Variants in HDAC9 observed in about 807,000 individuals in gnomAD.
The protein encoded by HDAC9 is histone deacetylase 9, also known as MEF-2 interacting transcription repressor (MITR) protein.
A neutral mutation model predicts 139.4 loss-of-function variants in HDAC9; 41 were observed. That is an observed-to-expected ratio of 0.29 (90% CI 0.23 to 0.38). The LOEUF (loss-of-function observed/expected upper bound fraction) is 0.38, where lower values mean the gene tolerates loss of function less well. Ranked by LOEUF, HDAC9 falls within the 10% of genes least tolerant of loss-of-function variation. HDAC9 has a pLI of 1.00. For synonymous variants in HDAC9, 517 were observed against 476.2 expected, an observed-to-expected ratio of 1.09 and a Z score of -1.12; for missense variants, 1,147 against 1,297.0, an observed-to-expected ratio of 0.88 and a Z score of 1.78.
chr7:18,548,319 A>G (rs1028757711), intron 2 of HDAC9, among the ~76,000 whole-genome samples: 14 of 152,088 alleles, frequency 9.2e-5, no homozygotes, highest in African/African-American at 3.1e-4. Flanking sequence ...CCTAACAGAT[A>G]TAATAATAAT....
intron 17 of HDAC9, among the ~76,000 whole-genome samples, chr7:18,796,636 G>T (rs1792826486): frequency 6.6e-6 from 1 of 152,112 alleles, no homozygotes; most frequent in African/African-American, 2.4e-5. Flanking sequence ...CTATTTCTCA[G>T]ATTCTCTTAC....
rs144004738 is a variant in HDAC9 at position 18,687,889 on chromosome 7, A to G, written c.1731+21413A>G. Among the ~76,000 whole-genome samples the G allele has an allele frequency of 1.4e-3, 208 of 151,974 alleles. 2 individuals are homozygous for G. The highest frequency in any genetic ancestry group is 8.7e-3 in the South Asian group (42 of 4,830). On this transcript the variant is annotated intron_variant, in intron 12 of 25. Transcript: ENST00000686413. ...TAAAGATTGTTTTAGTCTTTACCCA[A>G]TAAATTTTCCACAGTATCTGGTATA...
intron 1 of HDAC9, among the ~76,000 whole-genome samples, chr7:18,423,689 C>T (rs1789850635): frequency 6.6e-6 from 1 of 152,184 alleles, no homozygotes; most frequent in Non-Finnish European, 1.5e-5. Context: ...ACATGGCCTC[C>T]TAGCATTTGT....
At chr7:18,676,583 T>TA (rs1781527024) in intron 12 of HDAC9, among the ~76,000 whole-genome samples, 1 of 152,046 alleles carries the variant, frequency 6.6e-6, no homozygotes, top group Non-Finnish European at 1.5e-5. Flanking sequence ...TTAAAAAACT[T>TA]AAACTTTTTG....
chr7:18,351,999 A>T (rs1006505512), intron 1 of HDAC9, among the ~76,000 whole-genome samples: 10 of 152,204 alleles, frequency 6.6e-5, no homozygotes, highest in African/African-American at 2.4e-4. Context: ...ATAGCTGTGG[A>T]GAACAAAAGC....
intron 1 of HDAC9, among the ~76,000 whole-genome samples, chr7:18,337,980 A>G (rs1209108727): frequency 1.3e-5 from 2 of 151,772 alleles, no homozygotes; most frequent in African/African-American, 2.4e-5. Flanking sequence ...AGATAATGAG[A>G]TAATCAATGT....
At chr7:18,671,477 C>G (rs888846588) in intron 12 of HDAC9, among the ~76,000 whole-genome samples, 1 of 151,994 alleles carries the variant, frequency 6.6e-6, no homozygotes, top group East Asian at 1.9e-4. Flanking sequence ...ATAGCTTTTA[C>G]CTAAGTTCCT....
intron 25 of HDAC9, among the ~76,000 whole-genome samples, chr7:18,990,653 G>T (rs1206499546): frequency 6.6e-6 from 1 of 152,236 alleles, no homozygotes; most frequent in Non-Finnish European, 1.5e-5. Flanking sequence ...CAGCCTGGCT[G>T]CCGCCTTGCA....
At chr7:18,255,360 G>A (rs1288741420) in intron 2 of HDAC9, among the ~76,000 whole-genome samples, 4 of 152,280 alleles carry the variant, frequency 2.6e-5, no homozygotes, top group Admixed American at 6.5e-5. Context: ...AACATCATGA[G>A]GAAGGAAGTT....
chr7:18,144,857 C>G (rs1228037696), intron 1 of HDAC9, among the ~76,000 whole-genome samples: 1 of 152,180 alleles, frequency 6.6e-6, no homozygotes, highest in Non-Finnish European at 1.5e-5. Flanking sequence ...TTTCTTCTAA[C>G]CACCTTGAAG....
chr7:18,880,718 A>G (rs1351575575), intron 22 of HDAC9, among the ~76,000 whole-genome samples: 1 of 152,032 alleles, frequency 6.6e-6, no homozygotes, highest in Non-Finnish European at 1.5e-5. Flanking sequence ...CTAAGTGATG[A>G]AATAATCTGT....
chr7:18,784,953 G>GTGTGTGTGTGTGTT (rs1386100173), intron 16 of HDAC9, among the ~76,000 whole-genome samples: 8 of 150,712 alleles, frequency 5.3e-5, no homozygotes, highest in Non-Finnish European at 1.0e-4. Context: ...TTGTGTGTGT[G>GTGTGTGTGTGTGTT]TGTGTGTGTG....
chr7:18,669,260 A>G, intron 12 of HDAC9, among the ~76,000 whole-genome samples: 1 of 151,972 alleles, frequency 6.6e-6, no homozygotes, highest in East Asian at 1.9e-4. Context: ...GCACTCAATA[A>G]ATATTAAAAT....
chr7:18,224,349 T>C (rs549014949), intron 2 of HDAC9, among the ~76,000 whole-genome samples: 1 of 152,326 alleles, frequency 6.6e-6, no homozygotes, highest in African/African-American at 2.4e-5. Flanking sequence ...ATATGACTCA[T>C]AGTTCTTGGT....
chr7:18,646,037 A>G (rs1333982112), intron 9 of HDAC9, among the ~76,000 whole-genome samples: 1 of 152,210 alleles, frequency 6.6e-6, no homozygotes, highest in Non-Finnish European at 1.5e-5. Flanking sequence ...TTAAAATTCC[A>G]CATGAAACAT....
At chr7:18,849,835 G>A (rs1041767053) in intron 21 of HDAC9, among the ~76,000 whole-genome samples, 1 of 152,116 alleles carries the variant, frequency 6.6e-6, no homozygotes, top group Non-Finnish European at 1.5e-5. Flanking sequence ...AAAAGAACTT[G>A]GCTTTGGGAG....
In HDAC9 at chr7:18,694,051, T is replaced by C. The variant is rs867589048; in HGVS notation, c.1731+27575T>C. 2.6e-5 allele frequency among the ~76,000 whole-genome samples: 4 copies of C among 152,316 alleles called. No individual in the cohort carries two copies. The South Asian group carries it at 6.2e-4, about 24-fold the overall frequency. On this transcript the variant is annotated intron_variant, in intron 12 of 25. Coordinates refer to ENST00000686413, the MANE Select transcript of HDAC9 (RefSeq NM_178425.4). Reference sequence around the variant, plus strand: ...GAATTGCTAGTACAGTAATAAATTATAGTTTTCACATTTGTATTTTGCAAG... The same window carrying C: ...GAATTGCTAGTACAGTAATAAATTACAGTTTTCACATTTGTATTTTGCAAG...
chr7:18,538,264 A>T (rs1382486881), intron 2 of HDAC9, among the ~76,000 whole-genome samples: 1 of 152,192 alleles, frequency 6.6e-6, no homozygotes, highest in African/African-American at 2.4e-5. Context: ...TACTAGTGAC[A>T]GGTCCTGTTT....
At chr7:18,898,968 T>G (rs1801455196) in intron 22 of HDAC9, among the ~76,000 whole-genome samples, 2 of 151,984 alleles carry the variant, frequency 1.3e-5, no homozygotes, top group South Asian at 4.1e-4. Flanking sequence ...AGAAGGTATA[T>G]AGTTTTTCAA....
Sources: gnomAD v4.1 joint callset for allele counts (sites outside exome capture counted in the v4.1 genomes callset) on GRCh38, gnomAD v4.1.1 for gene constraint, MANE v1.5 for transcripts, NCBI Gene and HGNC (gene_info 2026-07-23, HGNC 2026-07-21) for gene names.